CLK4: variants seen among roughly 807,000 people sequenced by gnomAD.
CLK4 encodes the protein dual specificity protein kinase CLK4.
Under a neutral mutation model 64.4 loss-of-function variants are expected in CLK4, and 37 were observed. The observed-to-expected ratio is 0.57, with a 90% CI of 0.44 to 0.76. The LOEUF (loss-of-function observed/expected upper bound fraction) is 0.76. Among genes scored for constraint, CLK4 ranks in the 30% least tolerant of loss-of-function variants. CLK4 has a pLI of 0.00. For synonymous variants in CLK4, 175 were observed against 191.6 expected (o/e 0.91, Z 0.72); for missense variants, 457 against 605.1 (o/e 0.76, Z 2.57).
chr5:178,603,779 T>G (rs1042352476), intron 12 of CLK4, 22 bp from the exon 13 acceptor site: 7 of 1,578,814 alleles, frequency 4.4e-6, no homozygotes, highest in Non-Finnish European at 6.0e-6. Flanking sequence ...ATGTTTTTGT[T>G]TTAAAAAAAA....
chr5:178,611,089 G>T (rs1483322467), intron 9 of CLK4, among the ~76,000 whole-genome samples: 1 of 151,728 alleles, frequency 6.6e-6, no homozygotes, highest in Non-Finnish European at 1.5e-5. Context: ...AAAAAAAAGG[G>T]GGGGGTTACT....
intron 11 of CLK4, 67 bp from the exon 12 acceptor site, chr5:178,604,001 T>A (rs978529931): frequency 8.5e-7 from 1 of 1,177,764 alleles, no homozygotes; most frequent in African/African-American, 1.5e-5. Flanking sequence ...CCTGCACCCA[T>A]GAGGGGAGAC....
At chr5:178,625,107 C>A (rs931675167) in intron 1 of CLK4, among the ~76,000 whole-genome samples, 3 of 152,146 alleles carry the variant, frequency 2.0e-5, no homozygotes, top group Non-Finnish European at 4.4e-5. Flanking sequence ...CATATGGGAA[C>A]GTGACATGAA....
intron 2 of CLK4, chr5:178,619,722 G>A: frequency 8.4e-7 from 1 of 1,191,870 alleles, no homozygotes; most frequent in Non-Finnish European, 1.1e-6. Flanking sequence ...ACTTGGCAAG[G>A]AATTTCAAAG....
At chr5:178,621,277 G>T (rs372830050) in intron 2 of CLK4, among the ~76,000 whole-genome samples, 2 of 152,272 alleles carry the variant, frequency 1.3e-5, no homozygotes, top group East Asian at 1.9e-4. Context: ...TCACACTAAA[G>T]TTGGAGAATC....
chr5:178,622,863 G>C (rs1278780310), intron 2 of CLK4: 1 of 183,008 alleles, frequency 5.5e-6, no homozygotes, highest in East Asian at 1.8e-4. Context: ...CTGAAACAAT[G>C]AGCACTACAA....
In CLK4 at chr5:178,603,748, G is replaced by A. The variant is rs1287333681; in HGVS notation, c.1315C>T (p.Leu439Phe). The change falls in exon 13 of 13, where the codon CTT (leucine) becomes TTT (phenylalanine). Residue 439 changes from leucine (L) to phenylalanine (F), a missense_variant. Coordinates refer to ENST00000316308, the MANE Select transcript of CLK4 (RefSeq NM_020666.3). ...TTCTCATGTTCTTCATCATGACAAA[G>A]CATAAATTCCTGGGGGAGAAATGTT... ...RRCKPLKEFM[L>F]CHDEEHEKLF... The A allele has an allele frequency of 1.3e-6, 2 of 1,586,994 alleles. No homozygotes were observed. The highest frequency in any genetic ancestry group is 4.5e-5 in the East Asian group (2 of 44,636).
At chr5:178,610,156 G>A (rs915287601) in intron 9 of CLK4, among the ~76,000 whole-genome samples, 27 of 151,926 alleles carry the variant, frequency 1.8e-4, no homozygotes, top group African/African-American at 6.3e-4. Flanking sequence ...TGGGCGTGGT[G>A]GCGGGCACCT....
chr5:178,602,785 T>C lies in CLK4; in HGVS notation c.*832A>G, dbSNP rs1764406357. The C allele has an allele frequency of 2.0e-5, 3 of 152,232 alleles. No homozygotes were observed. The South Asian group carries it at 6.2e-4, about 32-fold the overall frequency. The allele number at this position is 152,232 out of a possible 1,614,324, so 9.4% of individuals were successfully genotyped here. On this transcript the variant is annotated 3_prime_UTR_variant, in exon 13 of 13. Coordinates refer to ENST00000316308, the MANE Select transcript of CLK4 (RefSeq NM_020666.3). ...CGTAAGAATTATCACAGACATAAAT[T>C]GCCTAATTAATAAACTTAATTCTTA...
In CLK4 at chr5:178,617,697, T is replaced by C. The variant is rs1764644025; in HGVS notation, c.385-263A>G. 1 of 270,456 alleles carries C rather than the reference T, an allele frequency of 3.7e-6. No homozygotes were observed. Among genetic ancestry groups the C allele is most frequent in the Non-Finnish European group, 6.9e-6 (1 of 144,536 alleles). 16.8% of individuals were successfully genotyped at this position (270,456 alleles called of 1,614,324 possible). Reference sequence around the variant, plus strand: ...GTGGCAATAGAAAAAAACAACACAATTGTCTCTTTAAAATACTGATTTAAT... The same window carrying C: ...GTGGCAATAGAAAAAAACAACACAACTGTCTCTTTAAAATACTGATTTAAT... On this transcript the variant is annotated intron_variant, in intron 3 of 12. Coordinates refer to ENST00000316308, the MANE Select transcript of CLK4 (RefSeq NM_020666.3). This position sits in a 1 kb window ranked among gnomAD's most constrained non-coding sequence, Gnocchi z 5.2.
chr5:178,605,388 A>C lies in CLK4; in HGVS notation c.1135-6T>G. 1 of 1,553,430 alleles carries C rather than the reference A, an allele frequency of 6.4e-7. No individual in the cohort carries two copies. The highest frequency in any genetic ancestry group is 8.7e-7 in the Non-Finnish European group (1 of 1,150,690). ...TGCTCTTTACTATCATGAGTCTAAA[A>C]CATGTAAGAAAAAGAAATTTAGTAC... On this transcript the variant is annotated splice_region_variant and splice_polypyrimidine_tract_variant and intron_variant, in intron 10 of 12. Coordinates refer to ENST00000316308, the MANE Select transcript of CLK4 (RefSeq NM_020666.3).
At chr5:178,612,391 A>G in intron 9 of CLK4, 25 bp downstream of exon 9, 10 of 1,561,218 alleles carry the variant, frequency 6.4e-6, no homozygotes, top group Non-Finnish European at 8.7e-6. Context: ...CAATTATAAT[A>G]TTAGAAAGCC....
chr5:178,611,371 T>C (rs978524010), intron 9 of CLK4, among the ~76,000 whole-genome samples: 20 of 152,222 alleles, frequency 1.3e-4, no homozygotes, highest in African/African-American at 4.8e-4. Context: ...AGAGTTGTGC[T>C]TGTTCAATAT....
chr5:178,613,808 T>C lies in CLK4; in HGVS notation c.578A>G (p.Asn193Ser), dbSNP rs1488504443. Reference protein sequence around the residue: ...GMHVAVKIVKNVGRYREAARS... With the variant: ...GMHVAVKIVKSVGRYREAARS... ...AGCTGCTTCACGGTAACGGCCTACA[T>C]TTTTTACGATTTTCACTGCTACATG... Residue 193 changes from asparagine (N) to serine (S), a missense_variant, in exon 6 of 13, where the codon AAT becomes AGT. Transcript: ENST00000316308. 5.0e-6 allele frequency: 8 copies of C among 1,613,958 alleles called. No individual in the cohort carries two copies. The highest frequency in any genetic ancestry group is 6.8e-6 in the Non-Finnish European group (8 of 1,179,850).
intron 2 of CLK4, among the ~76,000 whole-genome samples, chr5:178,621,456 C>G (rs971284432): frequency 6.6e-5 from 10 of 152,070 alleles, no homozygotes; most frequent in African/African-American, 1.9e-4. Flanking sequence ...AGAAAAGACA[C>G]TATGCAATAT....
At chr5:178,609,509 C>T (rs928824362) in intron 9 of CLK4, among the ~76,000 whole-genome samples, 4 of 151,660 alleles carry the variant, frequency 2.6e-5, no homozygotes, top group South Asian at 2.1e-4. Flanking sequence ...GGTGAAACCC[C>T]GTCTCTACTA....
At chr5:178,625,420 CTCAAAA>C (rs1315111858) in intron 1 of CLK4, among the ~76,000 whole-genome samples, 2 of 67,440 alleles carry the variant, frequency 3.0e-5, no homozygotes, top group Admixed American at 1.7e-4. Flanking sequence ...GAGACCCTGT[CTCAAAA>C]AAAAAAAAAA....
At chr5:178,612,640 A>C in intron 8 of CLK4, 95 bp from the exon 9 acceptor site, 3 of 1,352,608 alleles carry the variant, frequency 2.2e-6, no homozygotes, top group Non-Finnish European at 3.1e-6. Flanking sequence ...CTTGATTGTC[A>C]AAGTAAGCTC....
At chr5:178,615,288 A>T (rs1764612417) in intron 5 of CLK4, among the ~76,000 whole-genome samples, 1 of 152,238 alleles carries the variant, frequency 6.6e-6, no homozygotes, top group Non-Finnish European at 1.5e-5. Flanking sequence ...GTGAAATCTG[A>T]ATAAAGTCTG....
Sources: gnomAD v4.1 joint callset for allele counts (sites outside exome capture counted in the v4.1 genomes callset) on GRCh38, gnomAD v4.1.1 for gene constraint, Gnocchi (gnomAD v3.1) non-coding constraint, MANE v1.5 for transcripts, NCBI Gene and HGNC (gene_info 2026-07-23, HGNC 2026-07-21) for gene names.